Variants in MCF2L observed in about 807,000 individuals in gnomAD.
MCF2L encodes the protein MCF.2 cell line derived transforming sequence like.
MCF2L carries 97 observed loss-of-function variants against 153.4 expected under a neutral mutation model. That is an observed-to-expected ratio of 0.63 (90% CI 0.54 to 0.75). The LOEUF is 0.75. MCF2L is among the 30% of genes least tolerant of loss of function. The pLI is 0.00. For synonymous variants in MCF2L, 659 were observed against 632.2 expected (o/e 1.04, Z -0.64); for missense variants, 1,347 against 1,495.2 (o/e 0.90, Z 1.64).
chr13:112,952,263 C>T (rs980876631), intron 2 of MCF2L, among the ~76,000 whole-genome samples: 11 of 152,184 alleles, frequency 7.2e-5, no homozygotes, highest in Non-Finnish European at 1.3e-4. Flanking sequence ...CCCTCCTGCT[C>T]TCTGTGAGCC....
At chr13:112,911,666 C>T (rs1043333892) in intron 2 of MCF2L, among the ~76,000 whole-genome samples, 4 of 152,258 alleles carry the variant, frequency 2.6e-5, no homozygotes, top group African/African-American at 9.6e-5. Context: ...TCTGTGTTCA[C>T]CTCCTTCCCC....
At chr13:112,933,837 G>A (rs905824251) in intron 2 of MCF2L, among the ~76,000 whole-genome samples, 4 of 152,340 alleles carry the variant, frequency 2.6e-5, no homozygotes, top group South Asian at 2.1e-4. Context: ...GTGGCAGGCC[G>A]AGGATACATT....
At chr13:113,075,330 C>T (rs550744734) in intron 11 of MCF2L, 141 bp downstream of exon 11, 185 of 644,688 alleles carry the variant, frequency 2.9e-4, no homozygotes, top group Non-Finnish European at 4.1e-4. Flanking sequence ...CGTTTCTGGT[C>T]TTGTTGGCCT....
chr13:112,901,354 A>C (rs2081117831), intron 1 of MCF2L, among the ~76,000 whole-genome samples: 1 of 152,144 alleles, frequency 6.6e-6, no homozygotes, highest in Non-Finnish European at 1.5e-5. Flanking sequence ...GGGTTTCGGC[A>C]TGTTGGCCAG....
intron 1 of MCF2L, chr13:113,008,785 G>A (rs933982061): frequency 6.6e-6 from 1 of 152,238 alleles, no homozygotes; most frequent in Non-Finnish European, 1.5e-5. Context: ...GGAGTGTGGG[G>A]ACTTCATTTT....
chr13:113,002,045 G>C, intron 1 of MCF2L: 1 of 1,449,302 alleles, frequency 6.9e-7, no homozygotes, highest in Non-Finnish European at 9.1e-7. Flanking sequence ...ACAGTGCGGG[G>C]ACGCCGGGCG....
At chr13:113,052,670 C>T (rs551631924) in intron 4 of MCF2L, 1 of 154,954 alleles carries the variant, frequency 6.5e-6, no homozygotes, top group South Asian at 2.1e-4. Context: ...ACTTTCAGTT[C>T]AGAAAAATTT....
intron 1 of MCF2L, among the ~76,000 whole-genome samples, chr13:112,896,083 C>A (rs1232119826): frequency 6.6e-6 from 1 of 152,226 alleles, no homozygotes; most frequent in East Asian, 1.9e-4. Context: ...AACCTGCAGA[C>A]TTTGGCAGGG....
intron 2 of MCF2L, among the ~76,000 whole-genome samples, chr13:112,948,950 C>G (rs2081664279): frequency 6.6e-6 from 1 of 152,198 alleles, no homozygotes; most frequent in Non-Finnish European, 1.5e-5. Context: ...CCTGTAGTCC[C>G]AGCTACTCAT....
chr13:112,899,857 C>T (rs893468962), intron 1 of MCF2L, among the ~76,000 whole-genome samples: 1 of 152,218 alleles, frequency 6.6e-6, no homozygotes, highest in Admixed American at 6.5e-5. Flanking sequence ...GTGAAGGTCC[C>T]TCACCTGGAT....
At chr13:112,934,728 G>A (rs763221707) in intron 2 of MCF2L, among the ~76,000 whole-genome samples, 36 of 152,192 alleles carry the variant, frequency 2.4e-4, no homozygotes, top group Non-Finnish European at 2.5e-4. Flanking sequence ...TGTGTGCCGG[G>A]GCGGCCCTTC....
chr13:113,086,218 C>G lies in MCF2L; in HGVS notation c.2342C>G (p.Ser781Cys). The G allele has an allele frequency of 6.2e-7, 1 of 1,610,544 alleles. No homozygotes were observed. Among genetic ancestry groups the G allele is most frequent in the South Asian group, 1.1e-5 (1 of 90,704 alleles). Residue 781 changes from serine to cysteine, a missense_variant, in exon 21 of 30, where the codon TCC (serine) becomes TGC (cysteine). Physicochemically the swap from Ser to Cys is moderately radical, Grantham distance 112 (BLOSUM62 -1). Coordinates refer to ENST00000535094, the MANE Select transcript of MCF2L (RefSeq NM_001112732.3). ...GGCATCCTGAAGGCCGTGAACGACT[C>G]CATGCACCTCATCGCTATCACCGGC... ...ILGILKAVND[S>C]MHLIAITGYD...
In MCF2L at chr13:113,096,402, A is replaced by G; in HGVS notation, c.3107A>G (p.His1036Arg). 6.3e-7 allele frequency: 1 copy of G among 1,592,918 alleles called. No individual in the cohort carries two copies. The highest frequency in any genetic ancestry group is 8.5e-7 in the Non-Finnish European group (1 of 1,171,030). ...GGTAAATACACGGTCGTGGCGGACCACGAGAAGGGAGGCCCCGATGCGCTG... is the reference window on the plus strand; with the variant it reads ...GGTAAATACACGGTCGTGGCGGACCGCGAGAAGGGAGGCCCCGATGCGCTG... ...VPGKYTVVAD[H>R]EKGGPDALRV... is the part of the protein sequence containing the mutation. Residue 1036 changes from histidine (H) to arginine (R), a missense_variant, in exon 28 of 30, where the codon CAC becomes CGC. By Grantham distance (29) the His-to-Arg change is conservative. This residue lies in a region of MCF2L where 383 missense variants were observed against 335.4 expected (regional missense o/e 1.14). Coordinates refer to ENST00000535094, the MANE Select transcript of MCF2L (RefSeq NM_001112732.3).
At chr13:113,088,111 G>C (rs1478485085) in intron 23 of MCF2L, among the ~76,000 whole-genome samples, 1 of 152,216 alleles carries the variant, frequency 6.6e-6, no homozygotes, top group Non-Finnish European at 1.5e-5. Flanking sequence ...GCCGTGCCCT[G>C]GGTGCCAGGC....
intron 15 of MCF2L, among the ~76,000 whole-genome samples, chr13:113,079,041 C>T (rs1378866812): frequency 6.6e-6 from 1 of 152,244 alleles, no homozygotes; most frequent in Non-Finnish European, 1.5e-5. Flanking sequence ...AGAGCCTCCA[C>T]CCGCCACTGC....
At chr13:112,982,910 G>T (rs2082489680) in intron 1 of MCF2L, among the ~76,000 whole-genome samples, 1 of 152,152 alleles carries the variant, frequency 6.6e-6, no homozygotes, top group Non-Finnish European at 1.5e-5. Context: ...GTGTGGAGGG[G>T]GTGTCGGTGG....
intron 17 of MCF2L, among the ~76,000 whole-genome samples, chr13:113,083,067 T>C (rs2034304053): frequency 6.6e-6 from 1 of 152,338 alleles, no homozygotes; most frequent in African/African-American, 2.4e-5. Flanking sequence ...GCAGGTGGCC[T>C]GTCCGGCCTC....
chr13:113,008,149 T>C (rs545045719), intron 1 of MCF2L, among the ~76,000 whole-genome samples: 1 of 152,198 alleles, frequency 6.6e-6, no homozygotes, highest in Non-Finnish European at 1.5e-5. Context: ...ACTCCTGACC[T>C]CAAGTGATTT....
upstream of MCF2L, among the ~76,000 whole-genome samples, chr13:112,964,220 A>G (rs917970259): frequency 1.3e-5 from 2 of 152,242 alleles, no homozygotes. Flanking sequence ...CCCAGGTTCT[A>G]CAGTTGCCCA....
Sources: gnomAD v4.1 joint callset for allele counts (sites outside exome capture counted in the v4.1 genomes callset) on GRCh38, gnomAD v4.1.1 for gene constraint, gnomAD v4.1.1 regional missense constraint, MANE v1.5 for transcripts, NCBI Gene and HGNC (gene_info 2026-07-23, HGNC 2026-07-21) for gene names.